CSTPP1: variants seen among roughly 807,000 people sequenced by gnomAD.
CSTPP1 encodes centriolar satellite-associated tubulin polyglutamylase complex regulator 1.
At chr11:47,163,633 T>C in the CSTPP1 span, among the ~76,000 whole-genome samples, 18 of 152,210 alleles carry the variant, frequency 1.2e-4, no homozygotes, top group Admixed American at 9.8e-4. Flanking sequence ...TGTGTGTGTA[T>C]GTATATATAT....
chr11:46,984,595 T>TC, the CSTPP1 span, among the ~76,000 whole-genome samples: 3 of 152,092 alleles, frequency 2.0e-5, no homozygotes, highest in Non-Finnish European at 2.9e-5. Context: ...GCTTTTTTTT[T>TC]CTAGAAGGAC....
the CSTPP1 span, among the ~76,000 whole-genome samples, chr11:46,944,036 G>A: frequency 6.9e-6 from 1 of 143,994 alleles, no homozygotes; most frequent in East Asian, 2.1e-4. Context: ...ATTTAAAAAA[G>A]GCCAGGCATG....
the CSTPP1 span, among the ~76,000 whole-genome samples, chr11:47,081,935 C>CT: frequency 0.012 from 1,621 of 133,288 alleles, 22 homozygotes; most frequent in African/African-American, 0.033. Flanking sequence ...ACAAAAAAAC[C>CT]TTTTTTTTTT....
chr11:47,038,630 T>G, the CSTPP1 span, among the ~76,000 whole-genome samples: 106 of 72,450 alleles, frequency 1.5e-3, no homozygotes, highest in Non-Finnish European at 1.8e-3. Context: ...CGGGCGGGGG[T>G]CTGACCCCCC....
At chr11:47,097,473 C>T in the CSTPP1 span, among the ~76,000 whole-genome samples, 9 of 64,888 alleles carry the variant, frequency 1.4e-4, no homozygotes, top group East Asian at 2.0e-3. Context: ...GGCCCCCCTG[C>T]CCGGCCAGCC....
the CSTPP1 span, among the ~76,000 whole-genome samples, chr11:47,124,356 T>A: frequency 2.0e-5 from 3 of 152,064 alleles, no homozygotes; most frequent in South Asian, 6.2e-4. Flanking sequence ...ACTCCTGACC[T>A]CGTGATCTGC....
the CSTPP1 span, among the ~76,000 whole-genome samples, chr11:47,129,840 A>G: frequency 1.2e-4 from 18 of 152,302 alleles, no homozygotes; most frequent in African/African-American, 4.3e-4. Context: ...GTTCATTTTA[A>G]ACGTTGCCAT....
the CSTPP1 span, chr11:47,052,043 G>A: frequency 1.3e-5 from 2 of 159,626 alleles, no homozygotes; most frequent in Non-Finnish European, 2.7e-5. Flanking sequence ...AGAGGGAAAA[G>A]TATTCTCCAA....
At chr11:46,942,966 A>T in the CSTPP1 span, among the ~76,000 whole-genome samples, 2 of 152,242 alleles carry the variant, frequency 1.3e-5, no homozygotes, top group African/African-American at 4.8e-5. Context: ...AAGGGCAGTA[A>T]TTCTTGCTTC....
the CSTPP1 span, among the ~76,000 whole-genome samples, chr11:47,149,877 A>G: frequency 1.3e-5 from 2 of 151,914 alleles, no homozygotes; most frequent in African/African-American, 2.4e-5. Context: ...TGAGCCTTCA[A>G]ACTTCTGCTT....
At chr11:46,951,804 C>T in the CSTPP1 span, among the ~76,000 whole-genome samples, 1 of 152,080 alleles carries the variant, frequency 6.6e-6, no homozygotes, top group Non-Finnish European at 1.5e-5. Flanking sequence ...TTATTTGATT[C>T]TAATTCTTCT....
At chr11:46,968,225 G>T in the CSTPP1 span, among the ~76,000 whole-genome samples, 12 of 151,582 alleles carry the variant, frequency 7.9e-5, no homozygotes, top group Non-Finnish European at 1.6e-4. Flanking sequence ...GGGGCCTAGC[G>T]CAGGAACTCA....
chr11:47,070,264 G>T, the CSTPP1 span, among the ~76,000 whole-genome samples: 1 of 151,834 alleles, frequency 6.6e-6, no homozygotes, highest in Non-Finnish European at 1.5e-5. Context: ...GATGGAGAGA[G>T]GGGGAGAGAG....
the CSTPP1 span, among the ~76,000 whole-genome samples, chr11:46,968,361 T>A: frequency 2.0e-5 from 3 of 146,534 alleles, no homozygotes; most frequent in Admixed American, 2.1e-4. Context: ...TTAATATATA[T>A]AATATATAAT....
the CSTPP1 span, among the ~76,000 whole-genome samples, chr11:46,989,229 C>CA: frequency 2.1e-3 from 294 of 137,132 alleles, 1 homozygote; most frequent in East Asian, 3.8e-3. Flanking sequence ...GACTCCGTCT[C>CA]AAAAAAAAAA....
the CSTPP1 span, among the ~76,000 whole-genome samples, chr11:46,998,861 G>C: frequency 6.6e-6 from 1 of 151,922 alleles, no homozygotes; most frequent in Admixed American, 6.6e-5. Context: ...TCAGCCTCCC[G>C]AGTATCTGGG....
the CSTPP1 span, among the ~76,000 whole-genome samples, chr11:47,150,005 G>A: frequency 3.3e-5 from 5 of 152,018 alleles, no homozygotes; most frequent in Admixed American, 2.6e-4. Context: ...CTCCCCAAGA[G>A]GCAGTCCTTT....
the CSTPP1 span, among the ~76,000 whole-genome samples, chr11:47,098,343 T>C: frequency 3.4e-5 from 5 of 148,844 alleles, no homozygotes; most frequent in East Asian, 9.9e-4. Flanking sequence ...AAATAAAAAA[T>C]AAAAAAAAAT....
chr11:46,981,038 A>G, the CSTPP1 span, among the ~76,000 whole-genome samples: 3 of 152,282 alleles, frequency 2.0e-5, no homozygotes, highest in Non-Finnish European at 2.9e-5. Context: ...TGTGCATCCT[A>G]TGAAATGCCA....
Sources: gnomAD v4.1 joint callset for allele counts (sites outside exome capture counted in the v4.1 genomes callset) on GRCh38, gnomAD v4.1.1 for gene constraint, MANE v1.5 for transcripts, NCBI Gene and HGNC (gene_info 2026-07-23, HGNC 2026-07-21) for gene names.